The following NALF1 variants were observed in gnomAD, a reference collection of about 807,000 sequenced individuals.
NALF1 encodes the protein family with sequence similarity 155 member A.
Under a neutral mutation model 48.4 loss-of-function variants are expected in NALF1, and 3 were observed. The ratio of observed to expected loss-of-function variants is 0.06; its 90% confidence interval spans 0.03 to 0.16. The LOEUF is 0.16. Ranked by LOEUF, NALF1 falls within the 10% of genes least tolerant of loss-of-function variation. The pLI, the probability that NALF1 is intolerant of heterozygous loss-of-function variation, is 1.00. For missense variants in NALF1, 526 were observed against 571.5 expected (o/e 0.92, Z 0.81); for synonymous variants, 262 against 245.7 (o/e 1.07, Z -0.62).
At chr13:107,367,544 G>T (rs9520406) in intron 1 of NALF1, among the ~76,000 whole-genome samples, 107,135 of 152,022 alleles carry the variant, frequency 0.7, 38,706 homozygotes, top group Non-Finnish European at 0.79. Context: ...AATTACAGAA[G>T]TGGCCTGAGT....
intron 1 of NALF1, among the ~76,000 whole-genome samples, chr13:107,342,676 G>A (rs115393812): frequency 0.034 from 5,215 of 152,120 alleles, 180 homozygotes; most frequent in African/African-American, 0.087. Flanking sequence ...GTTGATAATC[G>A]CTTAAAATCA....
chr13:107,403,601 C>G (rs985133994), intron 1 of NALF1, among the ~76,000 whole-genome samples: 1 of 151,718 alleles, frequency 6.6e-6, no homozygotes, highest in Admixed American at 6.6e-5. Context: ...GATACTTATG[C>G]AAGTTGTTAA....
intron 2 of NALF1, among the ~76,000 whole-genome samples, chr13:107,182,963 C>T: frequency 6.6e-6 from 1 of 152,048 alleles, no homozygotes; most frequent in Non-Finnish European, 1.5e-5. Context: ...TTTATGAAAT[C>T]CAAGGGCAGA....
At chr13:107,218,731 T>TG (rs1277451148) in intron 1 of NALF1, among the ~76,000 whole-genome samples, 2 of 152,094 alleles carry the variant, frequency 1.3e-5, no homozygotes, top group African/African-American at 4.8e-5. Context: ...AAGCACAATA[T>TG]GGGATTGGGT....
chr13:107,576,453 G>C (rs1383184615), intron 1 of NALF1, among the ~76,000 whole-genome samples: 1 of 152,218 alleles, frequency 6.6e-6, no homozygotes, highest in Non-Finnish European at 1.5e-5. Flanking sequence ...ACTCTAAAGG[G>C]TGAGGGTGGG....
intron 1 of NALF1, among the ~76,000 whole-genome samples, chr13:107,219,179 C>A (rs972257814): frequency 5.3e-5 from 8 of 152,256 alleles, no homozygotes; most frequent in Non-Finnish European, 8.8e-5. Flanking sequence ...AACTCAATAG[C>A]CTTATCTAGA....
chr13:107,375,539 C>T (rs1173922876), intron 1 of NALF1, among the ~76,000 whole-genome samples: 1 of 151,780 alleles, frequency 6.6e-6, no homozygotes, highest in Admixed American at 6.6e-5. Flanking sequence ...TGATTAACTG[C>T]TGCTCCGTGT....
chr13:107,397,077 G>A (rs189813663), intron 1 of NALF1, among the ~76,000 whole-genome samples: 5 of 152,262 alleles, frequency 3.3e-5, no homozygotes, highest in Admixed American at 1.3e-4. Context: ...GGGATCCAAG[G>A]TCTGGTTGGA....
At chr13:107,620,608 T>C (rs1879494064) in intron 1 of NALF1, among the ~76,000 whole-genome samples, 1 of 152,202 alleles carries the variant, frequency 6.6e-6, no homozygotes, top group South Asian at 2.1e-4. Flanking sequence ...CACTCTGGCA[T>C]CTGTGTTCTC....
rs901141476 is a variant in NALF1 at position 107,341,185 on chromosome 13, T to C, written c.916-130430A>G. ...ATTGACAAACACAGGAGATGTCTCT[T>C]GACTGGATGAAGATTAATACTTCTC... On this transcript the variant is annotated intron_variant, in intron 1 of 2. Transcript: ENST00000375915. 3.9e-5 allele frequency among the ~76,000 whole-genome samples: 6 copies of C among 152,180 alleles called. No homozygotes were observed. The East Asian group carries it at 1.2e-3, about 29-fold the overall frequency.
chr13:107,384,790 T>C (rs1254044714), intron 1 of NALF1, among the ~76,000 whole-genome samples: 1 of 152,232 alleles, frequency 6.6e-6, no homozygotes, highest in Non-Finnish European at 1.5e-5. Flanking sequence ...TTTATCCATC[T>C]GATACAAAAA....
intron 1 of NALF1, among the ~76,000 whole-genome samples, chr13:107,346,031 T>A (rs1294741640): frequency 2.0e-5 from 3 of 151,972 alleles, no homozygotes; most frequent in Admixed American, 1.3e-4. Flanking sequence ...CTAATCACCA[T>A]GGAAATGCAA....
chr13:107,458,578 A>C (rs1331971070), intron 1 of NALF1, among the ~76,000 whole-genome samples: 1 of 152,208 alleles, frequency 6.6e-6, no homozygotes, highest in African/African-American at 2.4e-5. Context: ...ACGAGAGAGA[A>C]GCAGGCGAGC....
intron 1 of NALF1, among the ~76,000 whole-genome samples, chr13:107,798,996 T>TA (rs1206324586): frequency 6.6e-6 from 1 of 152,204 alleles, no homozygotes. Flanking sequence ...TTTAGAGAAA[T>TA]ACTGAGCCTT....
chr13:107,805,923 G>A (rs1264846667), intron 1 of NALF1, among the ~76,000 whole-genome samples: 2 of 152,012 alleles, frequency 1.3e-5, no homozygotes, highest in African/African-American at 4.8e-5. Flanking sequence ...CAAATTAAAA[G>A]GTCAATCCCA....
At chr13:107,577,833 T>C (rs1878197491) in intron 1 of NALF1, among the ~76,000 whole-genome samples, 2 of 152,178 alleles carry the variant, frequency 1.3e-5, no homozygotes, top group African/African-American at 4.8e-5. Flanking sequence ...CTGTGTACGT[T>C]CTGGTTCTTC....
intron 1 of NALF1, among the ~76,000 whole-genome samples, chr13:107,538,144 A>C: frequency 6.6e-6 from 1 of 152,178 alleles, no homozygotes; most frequent in East Asian, 1.9e-4. Flanking sequence ...AATATGATTG[A>C]AGACCACAAT....
intron 1 of NALF1, among the ~76,000 whole-genome samples, chr13:107,212,800 C>T (rs1246318533): frequency 6.6e-6 from 1 of 152,104 alleles, no homozygotes; most frequent in Non-Finnish European, 1.5e-5. Flanking sequence ...TAGGCTTATA[C>T]CTGCAGTTCA....
At chr13:107,854,245 T>C (rs574366444) in intron 1 of NALF1, among the ~76,000 whole-genome samples, 18 of 152,338 alleles carry the variant, frequency 1.2e-4, no homozygotes, top group Non-Finnish European at 2.2e-4. Context: ...ACCCATAGAA[T>C]ATATCTGAAA....
Sources: allele counts gnomAD v4.1 joint callset (sites outside exome capture counted in the v4.1 genomes callset), GRCh38; gene constraint gnomAD v4.1.1; transcripts MANE v1.5; gene names NCBI Gene and HGNC (gene_info 2026-07-23, HGNC 2026-07-21).